The following MUSK variants were observed in gnomAD, a reference collection of about 807,000 sequenced individuals.
MUSK encodes the protein muscle, skeletal receptor tyrosine-protein kinase.
A neutral mutation model predicts 88.7 loss-of-function variants in MUSK; 55 were observed. That is an observed-to-expected ratio of 0.62 (90% confidence interval 0.50 to 0.78). The LOEUF (loss-of-function observed/expected upper bound fraction) is 0.78. Among genes scored for constraint, MUSK ranks in the 30% least tolerant of loss-of-function variants. The pLI, the probability that MUSK is intolerant of heterozygous loss-of-function variation, is 0.00. For synonymous variants in MUSK, 387 were observed against 391.9 expected (o/e 0.99, Z 0.15); for missense variants, 1,015 against 1,074.3 (o/e 0.94, Z 0.77).
intron 3 of MUSK, among the ~76,000 whole-genome samples, chr9:110,691,552 T>C (rs1239757602): frequency 3.9e-5 from 6 of 152,230 alleles, no homozygotes; most frequent in African/African-American, 1.4e-4. Flanking sequence ...TGATGTATCA[T>C]CAAACACTGC....
At chr9:110,734,488 C>A in intron 6 of MUSK, 113 bp downstream of exon 6, 1 of 1,348,608 alleles carries the variant, frequency 7.4e-7, no homozygotes, top group East Asian at 2.4e-5. Flanking sequence ...TCACCTACAC[C>A]ACTTTTCAAA....
chr9:110,720,265 G>A (rs1470439458), intron 5 of MUSK, among the ~76,000 whole-genome samples: 1 of 151,780 alleles, frequency 6.6e-6, no homozygotes, highest in Non-Finnish European at 1.5e-5. Flanking sequence ...AAATGAAATT[G>A]AAATGGAAAA....
intron 8 of MUSK, among the ~76,000 whole-genome samples, chr9:110,764,280 A>C (rs1225734217): frequency 6.6e-6 from 1 of 152,220 alleles, no homozygotes; most frequent in Admixed American, 6.5e-5. Context: ...ACACAACTTT[A>C]GCTGGACATG....
At chr9:110,768,189 G>A in intron 9 of MUSK, 106 bp downstream of exon 9, 1 of 1,210,534 alleles carries the variant, frequency 8.3e-7, no homozygotes, top group Non-Finnish European at 1.2e-6. Context: ...AGGAAAAGCT[G>A]GTTTTCATCC....
intron 6 of MUSK, among the ~76,000 whole-genome samples, chr9:110,745,590 C>T (rs928004292): frequency 6.6e-6 from 1 of 152,118 alleles, no homozygotes; most frequent in South Asian, 2.1e-4. Flanking sequence ...TATTTTCAGT[C>T]CCCTTGATCT....
chr9:110,689,896 T>G (rs1270734946), intron 3 of MUSK, among the ~76,000 whole-genome samples: 1 of 96,560 alleles, frequency 1.0e-5, no homozygotes, highest in African/African-American at 4.5e-5. Flanking sequence ...ATATAAATTA[T>G]ATAAATATAC....
At chr9:110,697,280 A>G (rs749878301) in intron 4 of MUSK, 45 bp from the exon 5 acceptor site, 2 of 1,604,570 alleles carry the variant, frequency 1.2e-6, no homozygotes, top group East Asian at 2.2e-5. Flanking sequence ...TGTATCCTTG[A>G]TAGACCCATA....
At chr9:110,682,256 TA>T (rs1320790332) in intron 1 of MUSK, among the ~76,000 whole-genome samples, 1 of 152,120 alleles carries the variant, frequency 6.6e-6, no homozygotes, top group Non-Finnish European at 1.5e-5. Context: ...AAATTGTTCT[TA>T]AAAAACAATT....
intron 5 of MUSK, among the ~76,000 whole-genome samples, chr9:110,722,127 A>G (rs1397709885): frequency 6.6e-6 from 1 of 152,192 alleles, no homozygotes; most frequent in Non-Finnish European, 1.5e-5. Flanking sequence ...AAGACCTGGA[A>G]CCATAAAAAT....
At chr9:110,677,690 G>A (rs2131636644) in intron 1 of MUSK, among the ~76,000 whole-genome samples, 1 of 152,262 alleles carries the variant, frequency 6.6e-6, no homozygotes, top group Admixed American at 6.5e-5. Flanking sequence ...GAATCATCCT[G>A]TGAATGTGTG....
At chr9:110,699,736 G>A (rs544449261) in intron 5 of MUSK, among the ~76,000 whole-genome samples, 14 of 152,218 alleles carry the variant, frequency 9.2e-5, no homozygotes, top group South Asian at 8.3e-4. Flanking sequence ...CAGGGCCATC[G>A]TCAGTTGGGG....
At chr9:110,772,069 G>T (rs2077584678) in intron 9 of MUSK, among the ~76,000 whole-genome samples, 1 of 149,928 alleles carries the variant, frequency 6.7e-6, no homozygotes, top group Admixed American at 6.7e-5. Flanking sequence ...TTCCTCTGAT[G>T]GAAAAATATG....
intron 4 of MUSK, 59 bp from the exon 5 acceptor site, chr9:110,697,266 C>A (rs2076443109): frequency 4.5e-6 from 7 of 1,569,568 alleles, no homozygotes; most frequent in Non-Finnish European, 6.1e-6. Flanking sequence ...TGATATTTGG[C>A]AAATGTATCC....
intron 5 of MUSK, among the ~76,000 whole-genome samples, chr9:110,712,469 C>A (rs1173145441): frequency 6.6e-6 from 1 of 152,136 alleles, no homozygotes; most frequent in East Asian, 1.9e-4. Context: ...ATTCATGGAA[C>A]TTCTCCTCCA....
At chr9:110,719,130 A>G (rs142078032) in intron 5 of MUSK, among the ~76,000 whole-genome samples, 52 of 152,230 alleles carry the variant, frequency 3.4e-4, no homozygotes, top group Non-Finnish European at 5.0e-4. Flanking sequence ...TAAAGTTTAC[A>G]TCTCACAGGA....
chr9:110,683,636 G>A (rs1346793051), intron 2 of MUSK, among the ~76,000 whole-genome samples: 3 of 151,874 alleles, frequency 2.0e-5, no homozygotes, highest in East Asian at 1.9e-4. Context: ...ACATCCTTGC[G>A]AGCATTTGTT....
intron 8 of MUSK, among the ~76,000 whole-genome samples, chr9:110,764,966 A>G (rs2077457320): frequency 2.6e-5 from 4 of 152,186 alleles, no homozygotes; most frequent in Admixed American, 2.6e-4. Flanking sequence ...TGAGGATTCA[A>G]TACTAGCAGA....
chr9:110,784,681 T>C, intron 11 of MUSK, 134 bp from the exon 12 acceptor site: 1 of 645,272 alleles, frequency 1.5e-6, no homozygotes, highest in Non-Finnish European at 2.5e-6. Flanking sequence ...CTGAACTTTA[T>C]AAATATATAA....
chr9:110,689,488 A>G (rs1564217188), intron 3 of MUSK, among the ~76,000 whole-genome samples: 1 of 107,092 alleles, frequency 9.3e-6, no homozygotes, highest in African/African-American at 4.3e-5. Context: ...ATATAAAAAT[A>G]TGTAAAAAAT....
Sources: gnomAD v4.1 joint callset for allele counts (sites outside exome capture counted in the v4.1 genomes callset) on GRCh38, gnomAD v4.1.1 for gene constraint, MANE v1.5 for transcripts, NCBI Gene and HGNC (gene_info 2026-07-23, HGNC 2026-07-21) for gene names.